The following PIEZO1 variants were observed in gnomAD, a reference collection of about 807,000 sequenced individuals.
The protein encoded by PIEZO1 is piezo type mechanosensitive ion channel component 1 (Er blood group), also known as piezo-type mechanosensitive ion channel component 1.
Under a neutral mutation model 297.2 loss-of-function variants are expected in PIEZO1, and 296 were observed. The observed-to-expected ratio is 1.00, with a 90% CI of 0.91 to 1.10. The LOEUF (loss-of-function observed/expected upper bound fraction) is 1.10, where lower values mean the gene tolerates loss of function less well. Ranked by LOEUF, PIEZO1 falls within the 50% of genes least tolerant of loss-of-function variation. PIEZO1 has a pLI of 0.00. For missense variants in PIEZO1, 5,018 were observed against 3,455.5 expected (o/e 1.45, Z -11.34); for synonymous variants, 2,427 against 1,507.5 (o/e 1.61, Z -14.13).
rs781280657 is a variant in PIEZO1 at position 88,723,892 on chromosome 16, C to G, written c.4314G>C (p.Pro1438=). 33 of 1,544,816 alleles carry G rather than the reference C, an allele frequency of 2.1e-5. No individual in the cohort carries two copies. In the South Asian group the frequency reaches 3.8e-4, roughly 18 times the overall value. Reference sequence around the variant, plus strand: ...TCACCTGGAAGGCACTCTGTGCCGACGGCCTCGGGTCTTCAGGAACAGCCT... The same window carrying G: ...TCACCTGGAAGGCACTCTGTGCCGAGGGCCTCGGGTCTTCAGGAACAGCCT... ...EEEAVPEDPR[P]SAQSAFQLAY... is the part of the protein sequence containing the mutation. The change falls in exon 31 of 51, where the codon CCG becomes CCC. Residue 1438 remains proline, a synonymous_variant. Coordinates refer to ENST00000301015, the MANE Select transcript of PIEZO1 (RefSeq NM_001142864.4).
intron 25 of PIEZO1, 22 bp from the exon 26 acceptor site, chr16:88,726,665 G>C (rs765546212): frequency 2.6e-6 from 4 of 1,547,090 alleles, no homozygotes; most frequent in Non-Finnish European, 3.5e-6. Context: ...CAGGGTCAGC[G>C]GGGCCAGCGG....
Position 88,742,292 on chromosome 16 carries a change from C to T in PIEZO1, c.283+8G>A, listed in dbSNP as rs1354700396. ...GGCTATCCCTACCCCGCCCCCTCAG[C>T]GACTCACAGCTGGGTCCCAGGAGCT... On this transcript the variant is annotated splice_region_variant and intron_variant, in intron 3 of 50. Coordinates refer to ENST00000301015, the MANE Select transcript of PIEZO1 (RefSeq NM_001142864.4). 2 of 1,529,294 alleles carry T rather than the reference C, an allele frequency of 1.3e-6. No homozygotes were observed. The highest frequency in any genetic ancestry group is 1.4e-5 in the African/African-American group (1 of 72,838). The allele number at this position is 1,529,294 out of a possible 1,614,324, so 94.7% of individuals were successfully genotyped here.
chr16:88,733,093 G>A (rs966708044), intron 19 of PIEZO1, 185 bp downstream of exon 19: 20 of 616,970 alleles, frequency 3.2e-5, no homozygotes, highest in East Asian at 1.1e-4. Flanking sequence ...CAGGGAGTGC[G>A]CCCCTGGTCC....
At position 88,720,858 on chromosome 16, in the gene PIEZO1, C is replaced by G. The variant is rs79765279; in HGVS notation, c.5669-110G>C. The G allele has an allele frequency of 1.0e-5, 13 of 1,262,132 alleles. No individual in the cohort carries two copies. In the East Asian group the frequency reaches 3.4e-4, roughly 33 times the overall value. 78.2% of individuals were successfully genotyped at this position (1,262,132 alleles called of 1,614,324 possible). On this transcript the variant is annotated intron_variant, in intron 39 of 50. Transcript: ENST00000301015. ...TCTCCCTGTTTGACAGACAAGCAGA[C>G]GGAGCACAGGAAAGCTCCCAGTGTC...
chr16:88,772,121 G>T (rs1045396998), intron 1 of PIEZO1, among the ~76,000 whole-genome samples: 13 of 140,222 alleles, frequency 9.3e-5, no homozygotes, highest in Non-Finnish European at 1.6e-4. Flanking sequence ...CTCTGGTCAG[G>T]ATGCCTGTCC....
In PIEZO1 at chr16:88,734,221, T is replaced by C. The variant is rs947715882; in HGVS notation, c.2180+135A>G. ...CCCTGTGACCTCCACGCTACTGCCA[T>C]CCCCTTGGTATGAGCAAATGCCCCT... On this transcript the variant is annotated intron_variant, in intron 16 of 50. Transcript: ENST00000301015. 8 of 1,179,264 alleles carry C rather than the reference T, an allele frequency of 6.8e-6. No homozygotes were observed. The Admixed American group carries it at 2.2e-4, about 33-fold the overall frequency. 73.1% of individuals were successfully genotyped at this position (1,179,264 alleles called of 1,614,324 possible). A position where few individuals can be genotyped will look rare whatever the true frequency, so the allele number is the denominator to read the frequency against.
At chr16:88,765,839 A>G (rs1907151349) in intron 1 of PIEZO1, among the ~76,000 whole-genome samples, 1 of 151,840 alleles carries the variant, frequency 6.6e-6, no homozygotes, top group African/African-American at 2.4e-5. Context: ...ACACCCGGCT[A>G]ATTTTTCTAT....
intron 1 of PIEZO1, among the ~76,000 whole-genome samples, chr16:88,756,227 C>T (rs1382801465): frequency 6.6e-6 from 1 of 152,220 alleles, no homozygotes; most frequent in Non-Finnish European, 1.5e-5. Context: ...CGCCCACACC[C>T]AGCCCGATGT....
At chr16:88,775,970 G>A (rs189420712) in intron 1 of PIEZO1, among the ~76,000 whole-genome samples, 14 of 152,298 alleles carry the variant, frequency 9.2e-5, no homozygotes, top group African/African-American at 2.6e-4. Flanking sequence ...GCCACGGGAG[G>A]CGCCAACCAG....
chr16:88,784,820 C>T, intron 1 of PIEZO1, 81 bp downstream of exon 1: 4 of 1,041,976 alleles, frequency 3.8e-6, no homozygotes, highest in Non-Finnish European at 1.3e-6. Flanking sequence ...TCGCCCCGGC[C>T]GGCGTCGTCC....
intron 2 of PIEZO1, chr16:88,745,862 G>C (rs1906022077): frequency 6.6e-6 from 1 of 152,176 alleles, no homozygotes; most frequent in Non-Finnish European, 1.5e-5. Context: ...ATGGTTGACA[G>C]AGCATGGACC....
chr16:88,726,427 G>A lies in PIEZO1; in HGVS notation c.3825C>T (p.Asp1275=), dbSNP rs1904436502. Residue 1275 remains aspartate (D), a synonymous_variant, in exon 27 of 51, where the codon GAC becomes GAT. Coordinates refer to ENST00000301015, the MANE Select transcript of PIEZO1 (RefSeq NM_001142864.4). ...CAGCCTCCTCCACAGGCAGCAGGCA[G>A]TCCTGGTCTCTGTCCATCATCTCCT... The part of the protein sequence containing the change: ...DPKEMMDRDQ[D]CLLPVEEAGI... 6.4e-7 allele frequency: 1 copy of A among 1,550,496 alleles called. No homozygotes were observed. Among genetic ancestry groups the A allele is most frequent in the Non-Finnish European group, 8.7e-7 (1 of 1,146,922 alleles).
At position 88,734,775 on chromosome 16, in the gene PIEZO1, C is replaced by G. The variant is rs754670621; in HGVS notation, c.1872G>C (p.Lys624Asn). 6.5e-7 allele frequency: 1 copy of G among 1,550,366 alleles called. No individual in the cohort carries two copies. The highest frequency in any genetic ancestry group is 1.2e-5 in the South Asian group (1 of 84,070). ...CGAGCCACCAGAAGGCCTTGAGCAGCTTCCGCCACAGGCTGTAGTAGACCT... is the reference window on the plus strand; with the variant it reads ...CGAGCCACCAGAAGGCCTTGAGCAGGTTCCGCCACAGGCTGTAGTAGACCT... ...LFQVYYSLWR[K>N]LLKAFWWLVV... The change falls in exon 15 of 51, where the codon AAG becomes AAC. Residue 624 changes from lysine (K) to asparagine (N), a missense_variant. Coordinates refer to ENST00000301015, the MANE Select transcript of PIEZO1 (RefSeq NM_001142864.4).
In PIEZO1 at chr16:88,716,372, C is replaced by T. The variant is rs553165820; in HGVS notation, c.7038G>A (p.Ser2346=). ...GGCCCTTCACTCACACAGACTGGTC[C>T]GAGGTGCCCTCGAGCAGGCTGGCCA... is the stretch of plus-strand genomic sequence containing the variant. ...RQLASLLEGT[S]DQSVVIPNLF... The change falls in exon 48 of 51, where the codon TCG becomes TCA. Residue 2346 remains serine, a synonymous_variant. Coordinates refer to ENST00000301015, the MANE Select transcript of PIEZO1 (RefSeq NM_001142864.4). 2.2e-4 allele frequency: 342 copies of T among 1,541,658 alleles called. 3 individuals are homozygous for T. In the South Asian group the frequency reaches 3.1e-3, roughly 14 times the overall value.
chr16:88,776,406 C>T (rs1907666438), intron 1 of PIEZO1, among the ~76,000 whole-genome samples: 1 of 151,968 alleles, frequency 6.6e-6, no homozygotes, highest in African/African-American at 2.4e-5. Context: ...TGCACTCCAG[C>T]CAGGGCGACA....
Position 88,715,576 on chromosome 16 carries a change from C to G in PIEZO1, c.*29G>C, listed in dbSNP as rs1434364466. 6.5e-7 allele frequency: 1 copy of G among 1,543,650 alleles called. No homozygotes were observed. Among genetic ancestry groups the G allele is most frequent in the Admixed American group, 2.0e-5 (1 of 50,950 alleles). ...GGCCACGCTGCCCAGCAGGCCGGCTCCTTCCCTCTCGGGCGCCAGCAGCAG... is the reference window on the plus strand; with the variant it reads ...GGCCACGCTGCCCAGCAGGCCGGCTGCTTCCCTCTCGGGCGCCAGCAGCAG... On this transcript the variant is annotated 3_prime_UTR_variant, in exon 51 of 51. Transcript: ENST00000301015.
At chr16:88,722,502 G>T (rs1020297970) in intron 35 of PIEZO1, 81 bp downstream of exon 35, 3 of 1,424,058 alleles carry the variant, frequency 2.1e-6, no homozygotes, top group African/African-American at 2.9e-5. Context: ...GGGTACAAGG[G>T]AATGGCGAGG....
At chr16:88,757,327 T>TGGGGGGGGGGGGGGGG (rs200851830) in intron 1 of PIEZO1, among the ~76,000 whole-genome samples, 18 of 42,692 alleles carry the variant, frequency 4.2e-4, no homozygotes, top group East Asian at 9.6e-4. Context: ...GGCGGGGGGG[T>TGGGGGGGGGGGGGGGG]GGGGGGTAGT....
intron 1 of PIEZO1, among the ~76,000 whole-genome samples, chr16:88,776,758 G>A (rs972803256): frequency 3.3e-5 from 5 of 152,212 alleles, no homozygotes; most frequent in Non-Finnish European, 5.9e-5. Context: ...ACCCTGGCTC[G>A]GGGCGGGCCA....
Sources: gnomAD v4.1 joint callset for allele counts (sites outside exome capture counted in the v4.1 genomes callset) on GRCh38, gnomAD v4.1.1 for gene constraint, MANE v1.5 for transcripts, NCBI Gene and HGNC (gene_info 2026-07-23, HGNC 2026-07-21) for gene names.